Variants in PALLD observed in about 807,000 individuals in gnomAD.
PALLD encodes palladin, cytoskeletal associated protein, also known as palladin.
A neutral mutation model predicts 123.5 loss-of-function variants in PALLD; 61 were observed. That is an observed-to-expected ratio of 0.49 (90% CI 0.40 to 0.61). The LOEUF (loss-of-function observed/expected upper bound fraction) is 0.61. Ranked by LOEUF, PALLD falls within the 20% of genes least tolerant of loss-of-function variation. The pLI is 0.00. For missense variants in PALLD, 1,273 were observed against 1,377.0 expected, an observed-to-expected ratio of 0.92 and a Z score of 1.20; for synonymous variants, 465 against 496.4, an observed-to-expected ratio of 0.94 and a Z score of 0.84.
At chr4:168,627,541 T>C (rs766880043) in intron 2 of PALLD, among the ~76,000 whole-genome samples, 11 of 152,042 alleles carry the variant, frequency 7.2e-5, no homozygotes, top group Non-Finnish European at 1.3e-4. Context: ...AATAGATAGA[T>C]AGACCAAATA....
chr4:168,796,673 T>C (rs1284860436), intron 10 of PALLD, among the ~76,000 whole-genome samples: 2 of 152,174 alleles, frequency 1.3e-5, no homozygotes, highest in African/African-American at 4.8e-5. Context: ...TCTGTAAATG[T>C]TACAGAACGT....
At chr4:168,559,480 A>AT (rs1767644260) in intron 2 of PALLD, among the ~76,000 whole-genome samples, 2 of 152,232 alleles carry the variant, frequency 1.3e-5, no homozygotes, top group Non-Finnish European at 2.9e-5. Flanking sequence ...ATTATATCAA[A>AT]ATTCAAACAT....
chr4:168,582,351 A>G (rs1407244302), intron 2 of PALLD, among the ~76,000 whole-genome samples: 3 of 152,078 alleles, frequency 2.0e-5, no homozygotes. Context: ...GAATTTGTTT[A>G]TCAGATTTTT....
At chr4:168,527,494 G>A (rs552908780) in intron 2 of PALLD, among the ~76,000 whole-genome samples, 113 of 150,034 alleles carry the variant, frequency 7.5e-4, no homozygotes, top group African/African-American at 2.5e-3. Flanking sequence ...GATACAGAAG[G>A]AAATAAAGAC....
At chr4:168,812,078 A>C (rs75895438) in intron 10 of PALLD, among the ~76,000 whole-genome samples, 1 of 152,322 alleles carries the variant, frequency 6.6e-6, no homozygotes, top group African/African-American at 2.4e-5. Flanking sequence ...ATTTCCATAA[A>C]AGAAGAGAAC....
Position 168,685,513 on chromosome 4 carries a change from G to T in PALLD, c.1289G>T (p.Arg430Leu). The change falls in exon 6 of 22, where the codon CGA becomes CTA. Residue 430 changes from arginine (R) to leucine (L), a missense_variant. Around this residue, in one of 2 missense-constraint regions of PALLD, gnomAD observed 944 missense variants for 954.5 expected, o/e 0.99. Coordinates refer to ENST00000505667, the MANE Select transcript of PALLD (RefSeq NM_001166108.2). ...QVHSPTSYLC[R>L]PDGTTTAYFP... Reference sequence around the variant, plus strand: ...CACAGTCCAACTTCATATCTCTGCCGACCTGATGGAACCACTACTGCCTAC... The same window carrying T: ...CACAGTCCAACTTCATATCTCTGCCTACCTGATGGAACCACTACTGCCTAC... 2 of 1,612,444 alleles carry T rather than the reference G, an allele frequency of 1.2e-6. No homozygotes were observed. Among genetic ancestry groups the T allele is most frequent in the Non-Finnish European group, 1.7e-6 (2 of 1,178,566 alleles).
At chr4:168,813,938 TC>T (rs1350563753) in intron 10 of PALLD, among the ~76,000 whole-genome samples, 1 of 152,018 alleles carries the variant, frequency 6.6e-6, no homozygotes, top group Non-Finnish European at 1.5e-5. Context: ...CCTCACAGCA[TC>T]CCTCAGGATA....
intron 10 of PALLD, among the ~76,000 whole-genome samples, chr4:168,808,675 C>T (rs923912589): frequency 1.3e-5 from 2 of 152,114 alleles, no homozygotes; most frequent in Non-Finnish European, 2.9e-5. Flanking sequence ...TCTGGAGAGG[C>T]CTCACAATCA....
chr4:168,808,440 A>C (rs1206757320), intron 10 of PALLD, among the ~76,000 whole-genome samples: 1 of 152,180 alleles, frequency 6.6e-6, no homozygotes, highest in African/African-American at 2.4e-5. Flanking sequence ...AGATTGCACC[A>C]CTGCATTCCA....
At chr4:168,724,924 A>G (rs1786394157) in intron 10 of PALLD, among the ~76,000 whole-genome samples, 2 of 152,210 alleles carry the variant, frequency 1.3e-5, no homozygotes, top group African/African-American at 2.4e-5. Context: ...TTCTGTATCT[A>G]CATTCCCACT....
intron 14 of PALLD, among the ~76,000 whole-genome samples, chr4:168,900,643 C>A (rs184529993): frequency 5.3e-5 from 8 of 152,200 alleles, no homozygotes; most frequent in East Asian, 1.9e-4. Flanking sequence ...AAAACTGAAT[C>A]GCAACGCCAA....
At chr4:168,891,768 G>C (rs887631164) in intron 11 of PALLD, among the ~76,000 whole-genome samples, 2 of 151,640 alleles carry the variant, frequency 1.3e-5, no homozygotes, top group Non-Finnish European at 2.9e-5. Context: ...GGAATGGTTT[G>C]TATCTACCCA....
chr4:168,612,344 TG>T (rs1417283350), intron 2 of PALLD, among the ~76,000 whole-genome samples: 1 of 152,056 alleles, frequency 6.6e-6, no homozygotes, highest in Non-Finnish European at 1.5e-5. Flanking sequence ...CACATCCCCA[TG>T]TGGTTCCACC....
At chr4:168,841,411 G>A (rs928870112) in intron 10 of PALLD, among the ~76,000 whole-genome samples, 2 of 152,200 alleles carry the variant, frequency 1.3e-5, no homozygotes, top group African/African-American at 4.8e-5. Flanking sequence ...GTTTTTAAGG[G>A]TAAATGCTTA....
chr4:168,849,498 A>G (rs1747422011), intron 10 of PALLD, among the ~76,000 whole-genome samples: 1 of 152,228 alleles, frequency 6.6e-6, no homozygotes, highest in South Asian at 2.1e-4. Context: ...GTAACAATGC[A>G]TTCATTCACA....
intron 2 of PALLD, among the ~76,000 whole-genome samples, chr4:168,567,612 T>TAC (rs979408183): frequency 2.1e-4 from 31 of 149,320 alleles, no homozygotes; most frequent in African/African-American, 7.6e-4. Context: ...ATATATAATA[T>TAC]ACACACATGT....
At chr4:168,900,467 A>G (rs747470905) in intron 14 of PALLD, among the ~76,000 whole-genome samples, 3 of 152,264 alleles carry the variant, frequency 2.0e-5, no homozygotes, top group East Asian at 3.8e-4. Flanking sequence ...TAAAATAAGC[A>G]TAGAGCAATG....
intron 10 of PALLD, among the ~76,000 whole-genome samples, chr4:168,714,763 GT>G (rs1486773881): frequency 6.6e-6 from 1 of 151,954 alleles, no homozygotes; most frequent in Non-Finnish European, 1.5e-5. Context: ...GAGGGCGCAA[GT>G]AATAGGAACT....
At chr4:168,623,858 G>A (rs1030100710) in intron 2 of PALLD, among the ~76,000 whole-genome samples, 1 of 152,090 alleles carries the variant, frequency 6.6e-6, no homozygotes, top group Non-Finnish European at 1.5e-5. Context: ...TGTAAAGCAG[G>A]AATTACAGAA....
Sources: gnomAD v4.1 joint callset for allele counts (sites outside exome capture counted in the v4.1 genomes callset) on GRCh38, gnomAD v4.1.1 for gene constraint, gnomAD v4.1.1 regional missense constraint, MANE v1.5 for transcripts, NCBI Gene and HGNC (gene_info 2026-07-23, HGNC 2026-07-21) for gene names.